LDLRAD4: variants seen among roughly 807,000 people sequenced by gnomAD.
LDLRAD4 encodes low-density lipoprotein receptor class A domain-containing protein 4.
LDLRAD4 carries 5 observed loss-of-function variants against 17.0 expected under a neutral mutation model. The observed-to-expected ratio is 0.29, with a 90% CI of 0.15 to 0.62. The LOEUF is 0.62. Among genes scored for constraint, LDLRAD4 ranks in the 20% least tolerant of loss-of-function variants. The pLI is 0.84. For synonymous variants in LDLRAD4, 168 were observed against 171.8 expected, an observed-to-expected ratio of 0.98 and a Z score of 0.17; for missense variants, 340 against 424.7, an observed-to-expected ratio of 0.80 and a Z score of 1.75.
At chr18:13,309,181 C>T (rs2047085147) in intron 1 of LDLRAD4, among the ~76,000 whole-genome samples, 1 of 152,202 alleles carries the variant, frequency 6.6e-6, no homozygotes. Context: ...AGCGACCCGG[C>T]CCCACTTGCC....
At chr18:13,235,677 C>T (rs2042299925) in intron 1 of LDLRAD4, among the ~76,000 whole-genome samples, 1 of 152,214 alleles carries the variant, frequency 6.6e-6, no homozygotes, top group African/African-American at 2.4e-5. Context: ...GACCACTAGC[C>T]ATGTTGCATA....
intron 1 of LDLRAD4, among the ~76,000 whole-genome samples, chr18:13,386,278 T>G (rs2085790431): frequency 6.6e-6 from 1 of 152,226 alleles, no homozygotes; most frequent in Non-Finnish European, 1.5e-5. Context: ...GTCTGATCCT[T>G]TGGGCTTCTG....
chr18:13,342,875 T>C (rs913518926), intron 1 of LDLRAD4, among the ~76,000 whole-genome samples: 3 of 152,086 alleles, frequency 2.0e-5, no homozygotes. Flanking sequence ...GAAGGATTTA[T>C]TGTGGTCATC....
chr18:13,507,925 G>T (rs904881990), intron 3 of LDLRAD4, among the ~76,000 whole-genome samples: 2 of 152,102 alleles, frequency 1.3e-5, no homozygotes, highest in Non-Finnish European at 2.9e-5. Context: ...GAGGAAGGCA[G>T]GTTGAAAGCC....
chr18:13,272,714 A>T (rs763135944), intron 1 of LDLRAD4, among the ~76,000 whole-genome samples: 2 of 152,184 alleles, frequency 1.3e-5, no homozygotes, highest in Non-Finnish European at 2.9e-5. Context: ...AGCCTGTAGG[A>T]GCCATGGCCA....
At chr18:13,347,261 G>T (rs2144264641) in intron 1 of LDLRAD4, among the ~76,000 whole-genome samples, 1 of 152,312 alleles carries the variant, frequency 6.6e-6, no homozygotes, top group East Asian at 1.9e-4. Flanking sequence ...TTGTAGGGCA[G>T]GCCTGGTGGT....
chr18:13,620,828 C>T (rs2040555888), intron 3 of LDLRAD4: 2 of 459,432 alleles, frequency 4.4e-6, no homozygotes, highest in Non-Finnish European at 4.0e-6. Flanking sequence ...TTTTCTAGAG[C>T]GGTGACATTG....
At chr18:13,365,363 C>T (rs1044520049) in intron 1 of LDLRAD4, among the ~76,000 whole-genome samples, 2 of 152,192 alleles carry the variant, frequency 1.3e-5, no homozygotes, top group Non-Finnish European at 2.9e-5. Flanking sequence ...TTCATTAATG[C>T]CACCTGAGGA....
intron 2 of LDLRAD4, among the ~76,000 whole-genome samples, chr18:13,426,812 C>A (rs1388879982): frequency 6.6e-6 from 1 of 152,202 alleles, no homozygotes; most frequent in East Asian, 1.9e-4. Flanking sequence ...TCACAAAATT[C>A]TGGTGTGGGT....
chr18:13,380,156 T>C (rs2085245884), intron 1 of LDLRAD4, among the ~76,000 whole-genome samples: 1 of 152,238 alleles, frequency 6.6e-6, no homozygotes, highest in Non-Finnish European at 1.5e-5. Context: ...AGAATGCACG[T>C]CTGCTCAGGG....
intron 1 of LDLRAD4, among the ~76,000 whole-genome samples, chr18:13,343,218 G>A (rs1324193498): frequency 2.7e-5 from 4 of 146,282 alleles, no homozygotes; most frequent in African/African-American, 1.0e-4. Context: ...ATCTCCTAAT[G>A]CTATCCCTCC....
rs150967183 is a variant in LDLRAD4 at position 13,430,892 on chromosome 18, C to T, written c.41-7352C>T. Among the ~76,000 whole-genome samples the T allele has an allele frequency of 3.0e-4, 45 of 152,300 alleles. No individual in the cohort carries two copies. In the South Asian group the frequency reaches 8.9e-3, roughly 30 times the overall value. On this transcript the variant is annotated intron_variant, in intron 2 of 5. Transcript: ENST00000359446. ...CTGCTGAGCAGGACCCCTGCCACTC[C>T]ATGCTGATGGAGGAGCTCAGTACAC...
chr18:13,592,050 G>A (rs1474691192), intron 3 of LDLRAD4, among the ~76,000 whole-genome samples: 2 of 152,196 alleles, frequency 1.3e-5, no homozygotes, highest in African/African-American at 4.8e-5. Flanking sequence ...GTGCACATGT[G>A]TCACCTTCTG....
chr18:13,294,539 A>C (rs1204108952), intron 1 of LDLRAD4, among the ~76,000 whole-genome samples: 2 of 152,208 alleles, frequency 1.3e-5, no homozygotes, highest in East Asian at 1.9e-4. Flanking sequence ...AAAACCCCTC[A>C]ATGACAAGTG....
chr18:13,384,176 G>C (rs949680042), intron 1 of LDLRAD4, among the ~76,000 whole-genome samples: 3 of 152,172 alleles, frequency 2.0e-5, no homozygotes, highest in Non-Finnish European at 4.4e-5. Context: ...GCCAGCATAA[G>C]AAAACTGGGA....
chr18:13,340,874 A>G (rs569900298), intron 1 of LDLRAD4, among the ~76,000 whole-genome samples: 2 of 152,042 alleles, frequency 1.3e-5, no homozygotes, highest in African/African-American at 4.8e-5. Flanking sequence ...TTTCGTTTCT[A>G]GGTTTTTGAT....
intron 3 of LDLRAD4, among the ~76,000 whole-genome samples, chr18:13,485,616 C>A (rs535692302): frequency 1.3e-5 from 2 of 152,360 alleles, no homozygotes; most frequent in East Asian, 3.9e-4. Context: ...CCTGGGATCA[C>A]CTGCCCACTT....
intron 1 of LDLRAD4, among the ~76,000 whole-genome samples, chr18:13,330,369 A>G (rs10084046): frequency 0.4 from 61,110 of 151,944 alleles, 12,648 homozygotes; most frequent in African/African-American, 0.51. Flanking sequence ...TGTGATCATA[A>G]TACATTATAC....
chr18:13,296,068 C>T (rs1295173341), intron 1 of LDLRAD4, among the ~76,000 whole-genome samples: 2 of 152,246 alleles, frequency 1.3e-5, no homozygotes, highest in Non-Finnish European at 2.9e-5. Flanking sequence ...TTGCCTCTTC[C>T]GTCAAGGGCT....
Sources: allele counts gnomAD v4.1 joint callset (sites outside exome capture counted in the v4.1 genomes callset), GRCh38; gene constraint gnomAD v4.1.1; transcripts MANE v1.5; gene names NCBI Gene and HGNC (gene_info 2026-07-23, HGNC 2026-07-21).